Variants in GRM7 observed in about 807,000 individuals in gnomAD.
GRM7 encodes glutamate metabotropic receptor 7, also known as metabotropic glutamate receptor 7.
A neutral mutation model predicts 84.5 loss-of-function variants in GRM7; 35 were observed. The ratio of observed to expected loss-of-function variants is 0.41; its 90% CI spans 0.32 to 0.55. The LOEUF (loss-of-function observed/expected upper bound fraction) is 0.55, where lower values mean the gene tolerates loss of function less well. Ranked by LOEUF, GRM7 falls within the 20% of genes least tolerant of loss-of-function variation. The pLI is 0.19. For missense variants in GRM7, 1,003 were observed against 1,194.6 expected (o/e 0.84, Z 2.36); for synonymous variants, 487 against 455.1 (o/e 1.07, Z -0.89).
chr3:7,482,899 A>T (rs1036440430), intron 7 of GRM7, among the ~76,000 whole-genome samples: 4 of 152,200 alleles, frequency 2.6e-5, no homozygotes, highest in Non-Finnish European at 5.9e-5. Flanking sequence ...GTGACATTAA[A>T]TAAATTCCAC....
chr3:6,888,037 A>C, intron 1 of GRM7, among the ~76,000 whole-genome samples: 1 of 152,064 alleles, frequency 6.6e-6, no homozygotes, highest in Non-Finnish European at 1.5e-5. Flanking sequence ...TTCTGTTGAG[A>C]AGTGTCTGTT....
chr3:7,613,425 T>C (rs1575555893), intron 8 of GRM7, among the ~76,000 whole-genome samples: 2 of 152,260 alleles, frequency 1.3e-5, no homozygotes, highest in South Asian at 4.2e-4. Flanking sequence ...GCCCAGATGG[T>C]GGCTGGGCTT....
chr3:7,210,799 TTG>T (rs1437726742), intron 2 of GRM7, among the ~76,000 whole-genome samples: 2 of 57,728 alleles, frequency 3.5e-5, no homozygotes, highest in African/African-American at 1.5e-4. Context: ...ATGCTGTGTA[TTG>T]TTTTTTTTTT....
At chr3:7,728,705 C>G (rs973133744) in intron 9 of GRM7, among the ~76,000 whole-genome samples, 1 of 152,150 alleles carries the variant, frequency 6.6e-6, no homozygotes, top group Non-Finnish European at 1.5e-5. Flanking sequence ...ATCAATTTCC[C>G]TAGGTTTAAT....
chr3:6,993,584 T>C (rs374931683), intron 1 of GRM7, among the ~76,000 whole-genome samples: 2 of 152,198 alleles, frequency 1.3e-5, no homozygotes, highest in East Asian at 3.9e-4. Context: ...GGTCTTAACT[T>C]GAAAAGAAAA....
intron 7 of GRM7, among the ~76,000 whole-genome samples, chr3:7,570,052 A>C (rs988738562): frequency 2.0e-5 from 3 of 152,140 alleles, no homozygotes; most frequent in African/African-American, 7.2e-5. Context: ...CTCATTCACT[A>C]TCACAAGAAC....
intron 1 of GRM7, among the ~76,000 whole-genome samples, chr3:6,992,460 C>T (rs1236118133): frequency 6.6e-6 from 1 of 152,166 alleles, no homozygotes; most frequent in Non-Finnish European, 1.5e-5. Flanking sequence ...GCCACTCCTT[C>T]ATATCAATAA....
chr3:7,583,251 C>T lies in GRM7; in HGVS notation c.2451+3894C>T, dbSNP rs150376996. ...ATAGGTAGACAGTGGTGCTCCCCAG[C>T]GGTATTTTTGTGGGGCTGAGAATAT... On this transcript the variant is annotated intron_variant, in intron 8 of 9. Coordinates refer to ENST00000357716, the MANE Select transcript of GRM7 (RefSeq NM_000844.4). 2.8e-4 allele frequency among the ~76,000 whole-genome samples: 42 copies of T among 152,290 alleles called. 1 individual carries two copies. In the East Asian group the frequency reaches 4.1e-3, roughly 15 times the overall value.
Position 7,223,911 on chromosome 3 carries a change from T to C in GRM7, c.737-74773T>C, listed in dbSNP as rs144053255. ...GCTGTTCTATCACTCACTTTTCTTG[T>C]CCACTTAGTCTCTGTTTCTGAATAT... On this transcript the variant is annotated intron_variant, in intron 2 of 9. Transcript: ENST00000357716. 5.3e-5 allele frequency among the ~76,000 whole-genome samples: 8 copies of C among 152,274 alleles called. No individual in the cohort carries two copies. In the East Asian group the frequency reaches 1.5e-3, roughly 29 times the overall value.
chr3:7,599,567 A>G (rs1435995539), intron 8 of GRM7, among the ~76,000 whole-genome samples: 1 of 152,172 alleles, frequency 6.6e-6, no homozygotes, highest in East Asian at 1.9e-4. Context: ...ACATAGGGAC[A>G]TCTGTGCCTG....
chr3:7,563,156 T>C (rs1265720211), intron 7 of GRM7, among the ~76,000 whole-genome samples: 3 of 152,146 alleles, frequency 2.0e-5, no homozygotes, highest in Non-Finnish European at 4.4e-5. Context: ...CTAAGATGAA[T>C]GGCTGAGCTG....
At chr3:7,347,730 A>T (rs183266596) in intron 4 of GRM7, among the ~76,000 whole-genome samples, 1 of 152,220 alleles carries the variant, frequency 6.6e-6, no homozygotes, top group Non-Finnish European at 1.5e-5. Flanking sequence ...TATTCTTTCC[A>T]TGTTCACCAT....
At chr3:6,941,951 T>C (rs553961828) in intron 1 of GRM7, among the ~76,000 whole-genome samples, 1 of 152,158 alleles carries the variant, frequency 6.6e-6, no homozygotes, top group Admixed American at 6.5e-5. Flanking sequence ...CAGAATAGAA[T>C]ATCAGGAACA....
At chr3:7,406,282 C>T (rs1302774581) in intron 4 of GRM7, among the ~76,000 whole-genome samples, 6 of 151,924 alleles carry the variant, frequency 3.9e-5, no homozygotes, top group African/African-American at 1.2e-4. Context: ...GGGTGGATCA[C>T]GAGGTCAGGA....
At chr3:7,728,155 AAGT>A (rs1391589893) in intron 9 of GRM7, among the ~76,000 whole-genome samples, 2 of 152,062 alleles carry the variant, frequency 1.3e-5, no homozygotes, top group African/African-American at 4.8e-5. Context: ...AGAAAAGAAA[AAGT>A]AGCTCCAGCC....
At chr3:7,282,648 T>A (rs1016307747) in intron 2 of GRM7, among the ~76,000 whole-genome samples, 1 of 152,242 alleles carries the variant, frequency 6.6e-6, no homozygotes, top group Non-Finnish European at 1.5e-5. Flanking sequence ...GGTGCCATTA[T>A]TCTGCCTACC....
At position 7,016,120 on chromosome 3, in the gene GRM7, AT is replaced by A. The variant is rs1559385477; in HGVS notation, c.520-130331del. 2.0e-5 allele frequency among the ~76,000 whole-genome samples: 3 copies of A among 152,310 alleles called. No individual in the cohort carries two copies. In the East Asian group the frequency reaches 5.8e-4, roughly 29 times the overall value. On this transcript the variant is annotated intron_variant, in intron 1 of 9. Transcript: ENST00000357716. Reference sequence around the variant, plus strand: ...AATACGCAGTTTATTAAGGGCTTTGATCTATCTGGGCTAAAATCCCAGCTAG... The same window carrying A: ...AATACGCAGTTTATTAAGGGCTTTGACTATCTGGGCTAAAATCCCAGCTAG...
In GRM7 at chr3:7,348,433, C is replaced by G. The variant is rs546179799; in HGVS notation, c.1033+41781C>G. On this transcript the variant is annotated intron_variant, in intron 4 of 9. Transcript: ENST00000357716. ...CACCAGGAAAATTTCTTTTATTTTT[C>G]TCTCAAGTACCAGTTAAATGCTCAT... Among the ~76,000 whole-genome samples, 125 of 152,152 alleles carry G rather than the reference C, an allele frequency of 8.2e-4. 1 individual carries two copies. The highest frequency in any genetic ancestry group is 2.9e-3 in the African/African-American group (122 of 41,554).
At chr3:7,530,084 C>T (rs1700974003) in intron 7 of GRM7, among the ~76,000 whole-genome samples, 1 of 148,802 alleles carries the variant, frequency 6.7e-6, no homozygotes, top group East Asian at 2.0e-4. Flanking sequence ...AATGCTATCC[C>T]TCCCCTATCC....
Sources: allele counts gnomAD v4.1 joint callset (sites outside exome capture counted in the v4.1 genomes callset), GRCh38; gene constraint gnomAD v4.1.1; transcripts MANE v1.5; gene names NCBI Gene and HGNC (gene_info 2026-07-23, HGNC 2026-07-21).